The following CDH16 variants were observed in gnomAD, a reference collection of about 807,000 sequenced individuals.
CDH16 encodes the protein cadherin-16.
In CDH16, 79 loss-of-function variants were observed where a neutral mutation model predicts 87.6. That is an observed-to-expected ratio of 0.90 (90% confidence interval 0.75 to 1.09). The LOEUF is 1.09. Among genes scored for constraint, CDH16 ranks in the 50% least tolerant of loss-of-function variants. The pLI is 0.00. For synonymous variants in CDH16, 457 were observed against 439.5 expected, an observed-to-expected ratio of 1.04 and a Z score of -0.50; for missense variants, 1,124 against 1,071.7, an observed-to-expected ratio of 1.05 and a Z score of -0.68.
At chr16:66,912,991 C>CGTGTGTGT (rs112552212) in intron 9 of CDH16, 100 bp from the exon 10 acceptor site, 15 of 1,115,062 alleles carry the variant, frequency 1.3e-5, no homozygotes, top group African/African-American at 9.4e-5. Flanking sequence ...AATTTGAGCT[C>CGTGTGTGT]GTGTGTGTGT....
chr16:66,917,112 C>A (rs1282024875), intron 3 of CDH16, among the ~76,000 whole-genome samples: 8 of 149,474 alleles, frequency 5.4e-5, no homozygotes, highest in Admixed American at 5.3e-4. Context: ...ATGGCGAAAC[C>A]CTGTCTCTAC....
rs1279415873 is a variant in CDH16, at chr16:66,912,814, G to A, written c.1132C>T (p.Leu378=). ...ACCCCATCCTCAGGCTCAGGGCTCA[G>A]GAGCTGATACACAACGTGGGAATTG... ...SPNSHVVYQL[L]SPEPEDGVEG... Residue 378 remains leucine, a synonymous_variant, in exon 10 of 18, where the codon CTG becomes TTG. Transcript: ENST00000299752. 1.2e-6 allele frequency: 2 copies of A among 1,613,716 alleles called. No homozygotes were observed. The highest frequency in any genetic ancestry group is 2.2e-5 in the East Asian group (1 of 44,884).
In CDH16 at chr16:66,915,239, AG is replaced by A; in HGVS notation, c.563del (p.Ala188ValfsTer47). ...GCTTACCCTTGGGGCTGAGGGCCAG[AG>A]CCCCCAGCCGAGGCTCCAGCTGGAA... ...DMFQLEPRLG[A>X]LALSPKGSTS... is the part of the protein sequence containing the mutation. On this transcript the variant is annotated frameshift_variant, in exon 6 of 18. Transcript: ENST00000299752. LOFTEE classifies it high-confidence loss of function. 2.5e-6 allele frequency: 4 copies of A among 1,612,074 alleles called. No individual in the cohort carries two copies. Among genetic ancestry groups the A allele is most frequent in the Non-Finnish European group, 3.4e-6 (4 of 1,179,580 alleles).
At chr16:66,908,614 G>T in intron 17 of CDH16, 125 bp from the exon 18 acceptor site, 3 of 774,022 alleles carry the variant, frequency 3.9e-6, no homozygotes, top group Non-Finnish European at 6.6e-6. Context: ...GCATCCTGAG[G>T]CTGGGCTGGG....
At chr16:66,910,665 G>T (rs1402455101) in intron 14 of CDH16, 163 bp from the exon 15 acceptor site, 13 of 754,830 alleles carry the variant, frequency 1.7e-5, no homozygotes, top group Non-Finnish European at 2.5e-5. Context: ...TGCCACTGTG[G>T]ACATCCCTGA....
intron 12 of CDH16, 50 bp from the exon 13 acceptor site, chr16:66,912,190 T>C: frequency 6.2e-7 from 1 of 1,601,542 alleles, no homozygotes; most frequent in Non-Finnish European, 8.5e-7. Context: ...AAGGCACATG[T>C]GCATGCATGC....
In CDH16 at chr16:66,911,388, G is replaced by T. The variant is rs1436815507; in HGVS notation, c.1791-73C>A. On this transcript the variant is annotated intron_variant, in intron 13 of 17. Transcript: ENST00000299752. ...GTTTTGCTCAGAATCCCCCAGGGCT[G>T]TGTGACTTGCTTAAATTCCACACCC... The T allele has an allele frequency of 4.0e-6, 6 of 1,481,830 alleles. No homozygotes were observed. In the East Asian group the frequency reaches 1.2e-4, roughly 30 times the overall value. 91.8% of individuals were successfully genotyped at this position (1,481,830 alleles called of 1,614,324 possible).
In CDH16 at chr16:66,912,017, C is replaced by T. The variant is rs1962440617; in HGVS notation, c.1672G>A (p.Val558Met). 2 of 1,614,048 alleles carry T rather than the reference C, an allele frequency of 1.2e-6. No individual in the cohort carries two copies. The highest frequency in any genetic ancestry group is 1.3e-5 in the African/African-American group (1 of 74,926). ...TATVTVLVER[V>M]MPPPKLDQES... ...TGGTCCAACTTGGGGGGTGGCATCA[C>T]TCTCTCCACTAGCACAGTCACCGTG... Residue 558 changes from valine to methionine, a missense_variant, in exon 13 of 18, where the codon GTG (valine) becomes ATG (methionine). By Grantham distance (21) the Val-to-Met change is conservative. Coordinates refer to ENST00000299752, the MANE Select transcript of CDH16 (RefSeq NM_004062.4).
Position 66,916,732 on chromosome 16 carries a change from CACTGCAGGTT to C in CDH16, c.130-313_130-304del, listed in dbSNP as rs1409670439. 6.6e-6 allele frequency among the ~76,000 whole-genome samples: 1 copy of C among 152,028 alleles called. No homozygotes were observed. Among genetic ancestry groups the C allele is most frequent in the Non-Finnish European group, 1.5e-5 (1 of 68,030 alleles). On this transcript the variant is annotated intron_variant, in intron 3 of 17. Coordinates refer to ENST00000299752, the MANE Select transcript of CDH16 (RefSeq NM_004062.4). The surrounding 1 kb of genome is among the most constrained non-coding windows in gnomAD (Gnocchi z 4.1). ...AGGATTAAAATCTGTTAGTCATTCC[CACTGCAGGTT>C]GAGCATCTCTAACCCGAAAATCTGA...
chr16:66,914,498 C>A, intron 6 of CDH16, 86 bp from the exon 7 acceptor site: 4 of 956,102 alleles, frequency 4.2e-6, no homozygotes, highest in Non-Finnish European at 4.8e-6. Flanking sequence ...AGACACAAAA[C>A]CAAGCATACA....
chr16:66,911,209 T>C lies in CDH16; in HGVS notation c.1897A>G (p.Thr633Ala), dbSNP rs1267068089. Residue 633 changes from threonine (T) to alanine (A), a missense_variant, in exon 14 of 18, where the codon ACG (threonine) becomes GCG (alanine). Coordinates refer to ENST00000299752, the MANE Select transcript of CDH16 (RefSeq NM_004062.4). Reference sequence around the variant, plus strand: ...GTATCCTGGGCCTCCACAAGCACCGTGTAGGTGTCCCCAGGCTGGGCGCCC... The same window carrying C: ...GTATCCTGGGCCTCCACAAGCACCGCGTAGGTGTCCCCAGGCTGGGCGCCC... ...LQGAQPGDTY[T>A]VLVEAQDTDE... 1 of 1,613,504 alleles carries C rather than the reference T, an allele frequency of 6.2e-7. No individual in the cohort carries two copies. Among genetic ancestry groups the C allele is most frequent in the Non-Finnish European group, 8.5e-7 (1 of 1,179,814 alleles).
chr16:66,912,204 C>A, intron 12 of CDH16, 38 bp downstream of exon 12: 1 of 1,599,464 alleles, frequency 6.3e-7, no homozygotes, highest in Non-Finnish European at 8.5e-7. Flanking sequence ...TGCATGCGTG[C>A]ATGTGTGGGC....
rs745835690 is a variant in CDH16 at position 66,910,031 on chromosome 16, C to T, written c.2230G>A (p.Val744Met). Reference sequence around the variant, plus strand: ...ATCTGGGCATTGTGGCTGACCACCACGGGGATTATGTGTTCACGTGGCTCC... The same window carrying T: ...ATCTGGGCATTGTGGCTGACCACCATGGGGATTATGTGTTCACGTGGCTCC... ...WVEPREHIIPVVVSHNAQMWQ... is the reference protein window; with the variant it reads ...WVEPREHIIPMVVSHNAQMWQ... Residue 744 changes from valine to methionine, a missense_variant, in exon 16 of 18, where the codon GTG (valine) becomes ATG (methionine). Val to Met is a conservative substitution (Grantham distance 21, BLOSUM62 1). Coordinates refer to ENST00000299752, the MANE Select transcript of CDH16 (RefSeq NM_004062.4). 15 of 1,612,584 alleles carry T rather than the reference C, an allele frequency of 9.3e-6. No homozygotes were observed. Among genetic ancestry groups the T allele is most frequent in the Admixed American group, 5.0e-5 (3 of 59,872 alleles).
At chr16:66,911,876 A>T in intron 13 of CDH16, 23 bp downstream of exon 13, 1 of 1,567,488 alleles carries the variant, frequency 6.4e-7, no homozygotes. Context: ...CAGTCCAGGT[A>T]AGGGGCTGGG....
At chr16:66,913,010 G>C in intron 9 of CDH16, 119 bp from the exon 10 acceptor site, 2 of 1,316,868 alleles carry the variant, frequency 1.5e-6, no homozygotes, top group Non-Finnish European at 2.1e-6. Context: ...GTGTGTGTGT[G>C]TGTGTGTGTG....
At chr16:66,915,095 C>G (rs971134925) in intron 6 of CDH16, 125 bp downstream of exon 6, 41 of 898,526 alleles carry the variant, frequency 4.6e-5, no homozygotes, top group Non-Finnish European at 6.3e-5. Context: ...GCTGTCTCCA[C>G]CTAGAGTGCC....
intron 2 of CDH16, 82 bp downstream of exon 2, chr16:66,917,939 A>C: frequency 1.6e-6 from 2 of 1,251,648 alleles, no homozygotes; most frequent in Admixed American, 2.2e-5. Flanking sequence ...CGGTCAGTGC[A>C]ATTGGTCCAG....
chr16:66,910,550 G>T, intron 14 of CDH16, 48 bp from the exon 15 acceptor site: 1 of 1,458,326 alleles, frequency 6.9e-7, no homozygotes, highest in Non-Finnish European at 9.1e-7. Flanking sequence ...CAGGGGGAGG[G>T]TGAGCTCTGA....
Position 66,916,089 on chromosome 16 carries a change from G to GAGCCATCTCTC in CDH16, c.399_400insGAGAGATGGCT (p.Arg134GlufsTer6). The GAGCCATCTCTC allele has an allele frequency of 6.2e-7, 1 of 1,614,208 alleles. No individual in the cohort carries two copies. Among genetic ancestry groups the GAGCCATCTCTC allele is most frequent in the Non-Finnish European group, 8.5e-7 (1 of 1,180,030 alleles). On this transcript the variant is annotated frameshift_variant, in exon 5 of 18. Coordinates refer to ENST00000299752, the MANE Select transcript of CDH16 (RefSeq NM_004062.4). LOFTEE classifies it high-confidence loss of function. The surrounding 1 kb of genome is among the most constrained non-coding windows in gnomAD (Gnocchi z 4.1). ...CCAGGCCTGGTACCCCGGCTCAGCC[G>GAGCCATCTCTC]AGCTCTGTAGATGGCTTGAGAGAAA...
Sources: allele counts gnomAD v4.1 joint callset (sites outside exome capture counted in the v4.1 genomes callset), GRCh38; gene constraint gnomAD v4.1.1; non-coding constraint Gnocchi (gnomAD v3.1); transcripts MANE v1.5; gene names NCBI Gene and HGNC (gene_info 2026-07-23, HGNC 2026-07-21).